The following NANS variants were observed in gnomAD, a reference collection of about 807,000 sequenced individuals.
NANS encodes N-acetylneuraminate-9-phosphate synthase.
In NANS, 29 loss-of-function variants were observed where a neutral mutation model predicts 33.3. The ratio of observed to expected loss-of-function variants is 0.87; its 90% CI spans 0.65 to 1.19. The LOEUF (loss-of-function observed/expected upper bound fraction) is 1.19. Among genes scored for constraint, NANS ranks in the 50% most tolerant of loss-of-function variants. NANS has a pLI of 0.00. For missense variants in NANS, 394 were observed against 461.1 expected (o/e 0.85, Z 1.33); for synonymous variants, 163 against 177.2 (o/e 0.92, Z 0.64).
intron 1 of NANS, among the ~76,000 whole-genome samples, chr9:98,059,754 A>G (rs1828924160): frequency 6.6e-6 from 1 of 151,500 alleles, no homozygotes; most frequent in Non-Finnish European, 1.5e-5. Context: ...ATAGTCAAAC[A>G]ATCCGGCTTT....
rs750536417 is a variant in NANS at position 98,080,872 on chromosome 9, C to T, written c.660C>T (p.Gly220=). 6.2e-7 allele frequency: 1 copy of T among 1,613,716 alleles called. No homozygotes were observed. The highest frequency in any genetic ancestry group is 8.5e-7 in the Non-Finnish European group (1 of 1,179,700). ...IPIGYSGHET[G]IAISVAAVAL... ...TAGGGTATTCTGGGCATGAAACAGG[C>T]ATAGCGATATCTGTGGCCGCAGTGG... The change falls in exon 5 of 6, where the codon GGC becomes GGT. Residue 220 remains glycine, a synonymous_variant. Transcript: ENST00000210444.
At chr9:98,059,003 G>C (rs1271094717) in intron 1 of NANS, among the ~76,000 whole-genome samples, 1 of 151,944 alleles carries the variant, frequency 6.6e-6, no homozygotes, top group Non-Finnish European at 1.5e-5. Context: ...TCTCAGCACT[G>C]ACATTTCTGG....
chr9:98,064,552 G>A (rs564218566), intron 2 of NANS, among the ~76,000 whole-genome samples: 3 of 152,186 alleles, frequency 2.0e-5, no homozygotes, highest in African/African-American at 7.2e-5. Flanking sequence ...CACCGCACCC[G>A]CCCTAATTCC....
At position 98,060,956 on chromosome 9, in the gene NANS, G is replaced by A. The variant is rs760105919; in HGVS notation, c.307G>A (p.Glu103Lys). 5.6e-6 allele frequency: 9 copies of A among 1,614,010 alleles called. No homozygotes were observed. Among genetic ancestry groups the A allele is most frequent in the Middle Eastern group, 3.3e-4 (2 of 6,024 alleles). ...GTACAGGGAGCTGCAGAGGTACGCC[G>A]AGGAGGTTGGGATCTTCTTCACTGC... ...DQYRELQRYA[E>K]EVGIFFTASG... Residue 103 changes from glutamate (E) to lysine (K), a missense_variant, in exon 2 of 6, where the codon GAG becomes AAG. Coordinates refer to ENST00000210444, the MANE Select transcript of NANS (RefSeq NM_018946.4).
intron 1 of NANS, among the ~76,000 whole-genome samples, chr9:98,058,307 G>GTGCT (rs1828886300): frequency 6.6e-6 from 1 of 152,072 alleles, no homozygotes. Context: ...CATTTTTTGA[G>GTGCT]TGCTTACTCT....
chr9:98,069,019 A>G (rs372044184), intron 2 of NANS, among the ~76,000 whole-genome samples: 299 of 152,316 alleles, frequency 2.0e-3, no homozygotes, highest in African/African-American at 6.9e-3. Context: ...ACCACTTAAC[A>G]TAGACTGGGA....
chr9:98,072,136 C>T (rs1177794533), intron 2 of NANS, among the ~76,000 whole-genome samples: 1 of 152,152 alleles, frequency 6.6e-6, no homozygotes, highest in African/African-American at 2.4e-5. Flanking sequence ...TTGGGCTCCT[C>T]ATGTAACCTT....
chr9:98,060,594 C>T (rs935352734), intron 1 of NANS, among the ~76,000 whole-genome samples, 188 bp from the exon 2 acceptor site: 6 of 151,492 alleles, frequency 4.0e-5, no homozygotes, highest in African/African-American at 1.2e-4. Flanking sequence ...GGCTTGAACC[C>T]GGGAGGCATT....
At chr9:98,066,969 A>G (rs567558606) in intron 2 of NANS, among the ~76,000 whole-genome samples, 6 of 152,290 alleles carry the variant, frequency 3.9e-5, no homozygotes, top group African/African-American at 1.4e-4. Context: ...CTGTCTCTAT[A>G]AATTTGCCTA....
In NANS at chr9:98,060,945, A is replaced by G. The variant is rs143147517; in HGVS notation, c.296A>G (p.Gln99Arg). 5.6e-6 allele frequency: 9 copies of G among 1,614,096 alleles called. No individual in the cohort carries two copies. In the African/African-American group the frequency reaches 9.3e-5, roughly 17 times the overall value. The change falls in exon 2 of 6, where the codon CAG becomes CGG. Residue 99 changes from glutamine to arginine, a missense_variant. Transcript: ENST00000210444. ...EFSHDQYRELQRYAEEVGIFF... is the reference protein window; with the variant it reads ...EFSHDQYRELRRYAEEVGIFF... The stretch of plus-strand genomic sequence containing the variant: ...AGCCATGACCAGTACAGGGAGCTGC[A>G]GAGGTACGCCGAGGAGGTTGGGATC...
chr9:98,080,551 A>G (rs2118015945), intron 4 of NANS, among the ~76,000 whole-genome samples: 1 of 152,380 alleles, frequency 6.6e-6, no homozygotes, highest in East Asian at 1.9e-4. Context: ...AATGTGAAAC[A>G]TTCTTAAAAT....
chr9:98,081,149 G>C, intron 5 of NANS, 67 bp downstream of exon 5: 1 of 1,590,530 alleles, frequency 6.3e-7, no homozygotes, highest in African/African-American at 1.3e-5. Context: ...TGGCCTGAGA[G>C]GGATGGTCAG....
intron 1 of NANS, among the ~76,000 whole-genome samples, chr9:98,057,343 A>G (rs1328830110): frequency 1.3e-5 from 2 of 152,116 alleles, no homozygotes; most frequent in Non-Finnish European, 2.9e-5. Flanking sequence ...CTTCTCTGAC[A>G]TTCTTCAGCG....
rs151149926 is a variant in NANS at position 98,073,408 on chromosome 9, C to T, written c.349-3510C>T. On this transcript the variant is annotated intron_variant, in intron 2 of 5. Transcript: ENST00000210444. The stretch of plus-strand genomic sequence containing the variant: ...CAAGTAATTGTCCTGCCTTAGCCTC[C>T]CGAGTAGCTGGGATTACAGACACAC... Among the ~76,000 whole-genome samples the T allele has an allele frequency of 6.3e-3, 953 of 150,804 alleles. 6 individuals carry two copies. Among genetic ancestry groups the T allele is most frequent in the African/African-American group, 0.022 (900 of 41,026 alleles).
At chr9:98,072,974 C>G (rs988270960) in intron 2 of NANS, among the ~76,000 whole-genome samples, 3 of 152,198 alleles carry the variant, frequency 2.0e-5, no homozygotes, top group Non-Finnish European at 2.9e-5. Flanking sequence ...GTCAGGGCTT[C>G]TGGTTGAAAG....
chr9:98,058,618 T>C (rs1055504485), intron 1 of NANS, among the ~76,000 whole-genome samples: 3 of 152,200 alleles, frequency 2.0e-5, no homozygotes, highest in Non-Finnish European at 4.4e-5. Context: ...CTAGAGATAC[T>C]GAAGCCATAG....
intron 2 of NANS, among the ~76,000 whole-genome samples, chr9:98,066,968 T>C (rs146376219): frequency 6.6e-6 from 1 of 152,330 alleles, no homozygotes; most frequent in East Asian, 1.9e-4. Context: ...TCTGTCTCTA[T>C]AAATTTGCCT....
chr9:98,078,274 C>G lies in NANS; in HGVS notation c.530C>G (p.Pro177Arg). ...TATCAGATCGTGAAGCCCCTCAACCCCAACTTCTGCTTCTTGCAGTGTACC... is the reference window on the plus strand; with the variant it reads ...TATCAGATCGTGAAGCCCCTCAACCGCAACTTCTGCTTCTTGCAGTGTACC... ...QVYQIVKPLN[P>R]NFCFLQCTSA... Residue 177 changes from proline to arginine, a missense_variant, in exon 4 of 6, where the codon CCC becomes CGC. Pro to Arg is a moderately radical substitution (Grantham distance 103, BLOSUM62 -2). Transcript: ENST00000210444. 1 of 1,614,012 alleles carries G rather than the reference C, an allele frequency of 6.2e-7. No individual in the cohort carries two copies. The highest frequency in any genetic ancestry group is 8.5e-7 in the Non-Finnish European group (1 of 1,180,018).
chr9:98,057,021 C>T, intron 1 of NANS, 81 bp downstream of exon 1: 5 of 1,443,420 alleles, frequency 3.5e-6, no homozygotes, highest in East Asian at 5.2e-5. Context: ...GGCCACACGG[C>T]CTCCGCGGCT....
Sources: allele counts gnomAD v4.1 joint callset (sites outside exome capture counted in the v4.1 genomes callset), GRCh38; gene constraint gnomAD v4.1.1; transcripts MANE v1.5; gene names NCBI Gene and HGNC (gene_info 2026-07-23, HGNC 2026-07-21).